Variants in GRIK2 observed in about 807,000 individuals in gnomAD.
GRIK2 encodes the protein glutamate ionotropic receptor kainate type subunit 2.
In GRIK2, 32 loss-of-function variants were observed where a neutral mutation model predicts 100.3. That is an observed-to-expected ratio of 0.32 (90% CI 0.24 to 0.43). GRIK2 has a LOEUF of 0.43. Among genes scored for constraint, GRIK2 ranks in the 20% least tolerant of loss-of-function variants. The probability of loss-of-function intolerance (pLI) is 1.00; values close to 1 mark genes in which losing one functional copy is unlikely to be tolerated. For synonymous variants in GRIK2, 417 were observed against 389.4 expected, an observed-to-expected ratio of 1.07 and a Z score of -0.83; for missense variants, 843 against 1,114.9, an observed-to-expected ratio of 0.76 and a Z score of 3.47.
rs142087019 is a variant in GRIK2 at position 101,897,388 on chromosome 6, G to A, written c.1748+7525G>A. Among the ~76,000 whole-genome samples, 1,203 of 151,356 alleles carry A rather than the reference G, an allele frequency of 7.9e-3. 21 individuals are homozygous for A. Among genetic ancestry groups the A allele is most frequent in the African/African-American group, 0.028 (1,138 of 41,354 alleles). On this transcript the variant is annotated intron_variant, in intron 12 of 16. Coordinates refer to ENST00000369134, the MANE Select transcript of GRIK2 (RefSeq NM_021956.5). ...CTAGATAGCAACATTTTTTCATAGC[G>A]GCAGAATACTGTGAATTGCTTGTAA...
At chr6:101,706,350 G>A (rs1773297172) in intron 7 of GRIK2, among the ~76,000 whole-genome samples, 1 of 151,784 alleles carries the variant, frequency 6.6e-6, no homozygotes, top group South Asian at 2.1e-4. Flanking sequence ...TATGTCTGTT[G>A]ACATATTTGT....
intron 10 of GRIK2, among the ~76,000 whole-genome samples, chr6:101,857,981 G>C (rs1245729132): frequency 1.3e-5 from 2 of 152,126 alleles, no homozygotes; most frequent in African/African-American, 4.8e-5. Flanking sequence ...TTTTTACCAT[G>C]CTGTGTCCTT....
At chr6:101,528,903 C>T (rs1775284420) in intron 2 of GRIK2, among the ~76,000 whole-genome samples, 1 of 152,106 alleles carries the variant, frequency 6.6e-6, no homozygotes, top group Non-Finnish European at 1.5e-5. Context: ...AAGGGATTTT[C>T]TGTACAATGC....
chr6:101,544,328 C>G (rs556927984), intron 2 of GRIK2, among the ~76,000 whole-genome samples: 1 of 152,236 alleles, frequency 6.6e-6, no homozygotes, highest in South Asian at 2.1e-4. Flanking sequence ...GCATTCTAAA[C>G]ATAAGTTTAA....
intron 11 of GRIK2, among the ~76,000 whole-genome samples, chr6:101,872,968 G>A (rs1032518454): frequency 2.6e-5 from 4 of 151,898 alleles, no homozygotes; most frequent in Admixed American, 1.3e-4. Flanking sequence ...GCAAATGACA[G>A]TGATACCATA....
intron 4 of GRIK2, among the ~76,000 whole-genome samples, chr6:101,651,729 G>C (rs1334672139): frequency 1.3e-5 from 2 of 152,104 alleles, no homozygotes; most frequent in African/African-American, 4.8e-5. Context: ...GCTGTGTTTG[G>C]ATATGTTAAG....
intron 2 of GRIK2, among the ~76,000 whole-genome samples, chr6:101,531,598 A>G (rs1288309547): frequency 6.6e-6 from 1 of 151,784 alleles, no homozygotes; most frequent in Non-Finnish European, 1.5e-5. Context: ...ATTACCAGAG[A>G]CTTCCAAATG....
chr6:101,747,140 C>T (rs1364692138), intron 7 of GRIK2, among the ~76,000 whole-genome samples: 4 of 152,160 alleles, frequency 2.6e-5, no homozygotes, highest in African/African-American at 7.2e-5. Flanking sequence ...CATGATTCTG[C>T]CACCATCTAT....
chr6:101,634,128 C>G (rs535558403), intron 4 of GRIK2, among the ~76,000 whole-genome samples: 1 of 151,998 alleles, frequency 6.6e-6, no homozygotes, highest in Non-Finnish European at 1.5e-5. Flanking sequence ...TAGGGCAACA[C>G]TGGAAGCAGG....
intron 11 of GRIK2, among the ~76,000 whole-genome samples, chr6:101,886,305 C>T (rs902774327): frequency 1.3e-5 from 2 of 151,922 alleles, no homozygotes; most frequent in African/African-American, 2.4e-5. Flanking sequence ...AATACTATTC[C>T]ATTGTATGGA....
Position 102,026,880 on chromosome 6 carries a change from C to A in GRIK2, c.2086-8461C>A, listed in dbSNP as rs370213635. Among the ~76,000 whole-genome samples the A allele has an allele frequency of 3.8e-4, 58 of 151,346 alleles. 2 individuals carry two copies. The East Asian group carries it at 7.0e-3, about 18-fold the overall frequency. On this transcript the variant is annotated intron_variant, in intron 14 of 16. Coordinates refer to ENST00000369134, the MANE Select transcript of GRIK2 (RefSeq NM_021956.5). Reference sequence around the variant, plus strand: ...GATCACTGCACTGGACTCAGATCCACCTTTGATATGAACCACATATGGCTT... The same window carrying A: ...GATCACTGCACTGGACTCAGATCCAACTTTGATATGAACCACATATGGCTT...
At chr6:101,424,741 G>A (rs537057206) in intron 2 of GRIK2, among the ~76,000 whole-genome samples, 55 of 147,654 alleles carry the variant, frequency 3.7e-4, no homozygotes, top group East Asian at 6.4e-4. Flanking sequence ...AACAGTCCCC[G>A]GAGTGTGATG....
At chr6:101,474,031 C>T (rs1296365998) in intron 2 of GRIK2, among the ~76,000 whole-genome samples, 1 of 151,792 alleles carries the variant, frequency 6.6e-6, no homozygotes, top group Non-Finnish European at 1.5e-5. Flanking sequence ...TAAGCCTCCT[C>T]TCCCATACAC....
intron 7 of GRIK2, among the ~76,000 whole-genome samples, chr6:101,692,067 A>AAAAAAAAAAAAAAAAAG (rs1772146800): frequency 6.9e-6 from 1 of 145,340 alleles, no homozygotes; most frequent in African/African-American, 2.6e-5. Context: ...AAAAAAAAAA[A>AAAAAAAAAAAAAAAAAG]GCAATGGAAA....
chr6:101,936,428 A>G (rs1790622340), intron 14 of GRIK2, among the ~76,000 whole-genome samples: 1 of 152,090 alleles, frequency 6.6e-6, no homozygotes, highest in African/African-American at 2.4e-5. Flanking sequence ...TTATATTTTT[A>G]TTAGTGTCTA....
intron 7 of GRIK2, among the ~76,000 whole-genome samples, chr6:101,720,015 T>C (rs930087950): frequency 2.0e-5 from 3 of 151,944 alleles, no homozygotes; most frequent in Non-Finnish European, 4.4e-5. Flanking sequence ...TGCAATTGAT[T>C]CACTCATTCA....
intron 2 of GRIK2, among the ~76,000 whole-genome samples, chr6:101,433,835 G>T: frequency 6.6e-6 from 1 of 152,150 alleles, no homozygotes; most frequent in East Asian, 1.9e-4. Context: ...TATATTTGCA[G>T]TCACCCAATT....
At chr6:101,719,208 A>G (rs1774296766) in intron 7 of GRIK2, among the ~76,000 whole-genome samples, 1 of 117,802 alleles carries the variant, frequency 8.5e-6, no homozygotes, top group African/African-American at 4.1e-5. Flanking sequence ...GGCATTTTTA[A>G]TTTGTTGCAT....
intron 7 of GRIK2, among the ~76,000 whole-genome samples, chr6:101,708,308 A>T (rs1773475491): frequency 6.6e-6 from 1 of 151,612 alleles, no homozygotes; most frequent in African/African-American, 2.4e-5. Context: ...AGAAATGGAA[A>T]TCAGCATTAT....
Sources: gnomAD v4.1 joint callset for allele counts (sites outside exome capture counted in the v4.1 genomes callset) on GRCh38, gnomAD v4.1.1 for gene constraint, MANE v1.5 for transcripts, NCBI Gene and HGNC (gene_info 2026-07-23, HGNC 2026-07-21) for gene names.